Variants in MIA2 observed in about 807,000 individuals in gnomAD.
MIA2 encodes the protein MIA SH3 domain ER export factor 2.
A neutral mutation model predicts 167.8 loss-of-function variants in MIA2; 127 were observed. The ratio of observed to expected loss-of-function variants is 0.76; its 90% CI spans 0.66 to 0.88. The LOEUF (loss-of-function observed/expected upper bound fraction) is 0.88, where lower values mean the gene tolerates loss of function less well. Ranked by LOEUF, MIA2 falls within the 40% of genes least tolerant of loss-of-function variation. The probability of loss-of-function intolerance (pLI) is 0.00; values close to 1 mark genes in which losing one functional copy is unlikely to be tolerated. For synonymous variants in MIA2, 552 were observed against 541.9 expected, an observed-to-expected ratio of 1.02 and a Z score of -0.26; for missense variants, 1,690 against 1,624.7, an observed-to-expected ratio of 1.04 and a Z score of -0.69.
chr14:39,289,449 A>G (rs550077897), intron 9 of MIA2, among the ~76,000 whole-genome samples: 26 of 152,250 alleles, frequency 1.7e-4, no homozygotes, highest in Admixed American at 1.6e-3. Context: ...TCCTGACCTC[A>G]TGATCCCTGT....
At chr14:39,235,595 T>C (rs1182653179) in intron 1 of MIA2, among the ~76,000 whole-genome samples, 1 of 151,568 alleles carries the variant, frequency 6.6e-6, no homozygotes, top group East Asian at 1.9e-4. Flanking sequence ...CTGGGCAACA[T>C]AGTGAGACCT....
chr14:39,272,826 G>A (rs80325978), intron 6 of MIA2, among the ~76,000 whole-genome samples: 3,205 of 152,218 alleles, frequency 0.021, 112 homozygotes, highest in African/African-American at 0.07. Flanking sequence ...GTCTTCCTTC[G>A]TTGCTTTCCA....
intron 9 of MIA2, among the ~76,000 whole-genome samples, chr14:39,280,250 GT>G (rs1339559607): frequency 6.6e-6 from 1 of 151,754 alleles, no homozygotes; most frequent in Non-Finnish European, 1.5e-5. Flanking sequence ...TTTATAGCCT[GT>G]AGTTTTATAA....
intron 24 of MIA2, among the ~76,000 whole-genome samples, chr14:39,321,927 A>AT (rs946279864): frequency 6.0e-5 from 9 of 150,424 alleles, no homozygotes; most frequent in East Asian, 2.0e-4. Flanking sequence ...CACCTGGCTA[A>AT]TTTTTTTTTG....
intron 6 of MIA2, chr14:39,269,077 T>TTTTTTTTTC (rs2056620234): frequency 4.9e-6 from 2 of 406,718 alleles, no homozygotes; most frequent in Non-Finnish European, 5.6e-6. Flanking sequence ...CTGCACAGTT[T>TTTTTTTTTC]TTTTTTTTTT....
At chr14:39,262,563 T>C (rs909603346) in intron 6 of MIA2, among the ~76,000 whole-genome samples, 5 of 152,230 alleles carry the variant, frequency 3.3e-5, no homozygotes, top group Non-Finnish European at 7.3e-5. Context: ...AAGTCATTGA[T>C]AGCTTGATGG....
intron 25 of MIA2, among the ~76,000 whole-genome samples, chr14:39,343,978 T>C (rs1477389461): frequency 3.3e-5 from 5 of 152,208 alleles, no homozygotes; most frequent in Admixed American, 2.0e-4. Flanking sequence ...CTACCTCTTA[T>C]ATTATGTATA....
chr14:39,289,659 T>G (rs1472272791), intron 9 of MIA2, among the ~76,000 whole-genome samples: 1 of 152,202 alleles, frequency 6.6e-6, no homozygotes, highest in African/African-American at 2.4e-5. Context: ...AAAAAATATT[T>G]TGTTGTAGAG....
intron 23 of MIA2, among the ~76,000 whole-genome samples, chr14:39,380,965 C>T (rs2075146997): frequency 6.6e-6 from 1 of 151,510 alleles, no homozygotes; most frequent in African/African-American, 2.4e-5. Flanking sequence ...TAAACTATGT[C>T]CTTTCTTAAA....
At chr14:39,368,738 T>C (rs1242438666) in intron 23 of MIA2, among the ~76,000 whole-genome samples, 2 of 151,490 alleles carry the variant, frequency 1.3e-5, no homozygotes, top group Non-Finnish European at 2.9e-5. Context: ...GTCTTTCAAC[T>C]TTTGTTCTGA....
chr14:39,296,140 C>G (rs892444053), intron 13 of MIA2, among the ~76,000 whole-genome samples: 1 of 152,016 alleles, frequency 6.6e-6, no homozygotes, highest in Admixed American at 6.6e-5. Flanking sequence ...CTAAAGGTTC[C>G]TCTTGTCTTT....
intron 25 of MIA2, among the ~76,000 whole-genome samples, chr14:39,343,503 GTA>G (rs35945509): frequency 0.2 from 29,976 of 152,096 alleles, 2,948 homozygotes; most frequent in Middle Eastern, 0.27. Flanking sequence ...TGTGAATGAA[GTA>G]TATGAGAGTA....
chr14:39,356,051 G>T (rs1242766892), downstream of MIA2, among the ~76,000 whole-genome samples: 1 of 152,182 alleles, frequency 6.6e-6, no homozygotes, highest in Non-Finnish European at 1.5e-5. Flanking sequence ...TTGGTATCAG[G>T]ATGATGCTGC....
intron 17 of MIA2, among the ~76,000 whole-genome samples, chr14:39,305,036 CAAT>C (rs1348525872): frequency 6.6e-6 from 1 of 152,112 alleles, no homozygotes; most frequent in East Asian, 1.9e-4. Flanking sequence ...CAAATGTCAA[CAAT>C]GATTATCTCT....
At position 39,367,966 on chromosome 14, in the gene MIA2, A is replaced by G. The variant is rs540918846; in HGVS notation, c.2249-18919A>G. 2.6e-4 allele frequency among the ~76,000 whole-genome samples: 39 copies of G among 152,294 alleles called. No homozygotes were observed. In the South Asian group the frequency reaches 7.9e-3, roughly 31 times the overall value. On this transcript the variant is annotated intron_variant, in intron 23 of 23. Coordinates refer to the MIA2 transcript ENST00000341502. ...TTATCTTTTAATGTTGTTGGTGAGAAGTCTGAAGGAAATTTCATTTTGTTC... is the reference window on the plus strand; with the variant it reads ...TTATCTTTTAATGTTGTTGGTGAGAGGTCTGAAGGAAATTTCATTTTGTTC...
chr14:39,305,639 G>T (rs968669736), intron 17 of MIA2, among the ~76,000 whole-genome samples: 6 of 152,062 alleles, frequency 3.9e-5, no homozygotes, highest in Non-Finnish European at 8.8e-5. Flanking sequence ...AAACACAGTA[G>T]AAGTACAAAA....
rs2054379040 is a variant in MIA2, at chr14:39,247,792, TG to T, written c.1222del (p.Ala408GlnfsTer8). The stretch of plus-strand genomic sequence containing the variant: ...ATGACAGGAAAAATGAAGAAGATGG[TG>T]GGGCAGATGAACATGAACATCCTCT... ...LDDRKNEEDG[G>X]ADEHEHPLTS... On this transcript the variant is annotated frameshift_variant, in exon 4 of 29. Transcript: ENST00000640607. LOFTEE classifies it high-confidence loss of function. 1.2e-6 allele frequency: 2 copies of T among 1,612,940 alleles called. No individual in the cohort carries two copies. The highest frequency in any genetic ancestry group is 2.2e-5 in the South Asian group (2 of 90,694).
At chr14:39,268,867 A>T in intron 6 of MIA2, 1 of 295,176 alleles carries the variant, frequency 3.4e-6, no homozygotes, top group Non-Finnish European at 5.0e-6. Context: ...AAGGACTCCC[A>T]GGTTTCTGGC....
intron 21 of MIA2, among the ~76,000 whole-genome samples, chr14:39,316,259 G>C (rs1328573584): frequency 6.6e-6 from 1 of 152,212 alleles, no homozygotes; most frequent in Non-Finnish European, 1.5e-5. Flanking sequence ...TGCAGATTTT[G>C]ACTAATTATA....
Sources: gnomAD v4.1 joint callset for allele counts (sites outside exome capture counted in the v4.1 genomes callset) on GRCh38, gnomAD v4.1.1 for gene constraint, MANE v1.5 for transcripts, NCBI Gene and HGNC (gene_info 2026-07-23, HGNC 2026-07-21) for gene names.